SLC7A8: variants seen among roughly 807,000 people sequenced by gnomAD.
SLC7A8 encodes the protein large neutral amino acids transporter small subunit 2.
SLC7A8 carries 30 observed loss-of-function variants against 51.2 expected under a neutral mutation model. The observed-to-expected ratio is 0.59, with a 90% CI of 0.44 to 0.80. The LOEUF is 0.80. SLC7A8 is among the 30% of genes least tolerant of loss of function. The pLI is 0.00. For missense variants in SLC7A8, 612 were observed against 674.4 expected (o/e 0.91, Z 1.03); for synonymous variants, 257 against 275.8 (o/e 0.93, Z 0.67).
At chr14:23,135,352 G>A (rs2048679588) in intron 7 of SLC7A8, among the ~76,000 whole-genome samples, 1 of 151,228 alleles carries the variant, frequency 6.6e-6, no homozygotes, top group South Asian at 2.1e-4. Context: ...GCCTCCCAAA[G>A]TGCTGGGGAT....
At chr14:23,170,484 A>G (rs2048970356) in intron 1 of SLC7A8, among the ~76,000 whole-genome samples, 1 of 151,844 alleles carries the variant, frequency 6.6e-6, no homozygotes, top group Non-Finnish European at 1.5e-5. Flanking sequence ...GTTTTGAGAC[A>G]GTCTCACTCT....
In SLC7A8 at chr14:23,165,960, G is replaced by A. The variant is rs28720057; in HGVS notation, c.356+376C>T. ...ATCCTTGGTAGTGTGAGAAGAGGGT[G>A]CACTCTACCTTAGCTGGCCACTCTC... On this transcript the variant is annotated intron_variant, in intron 2 of 10. Transcript: ENST00000316902. The surrounding 1 kb of genome is among the most constrained non-coding windows in gnomAD (Gnocchi z 4.2). 0.27 allele frequency among the ~76,000 whole-genome samples: 40,320 copies of A among 152,006 alleles called. 5,663 individuals carry two copies. Among genetic ancestry groups the A allele is most frequent in the East Asian group, 0.42 (2,157 of 5,132 alleles).
intron 7 of SLC7A8, 107 bp from the exon 8 acceptor site, chr14:23,131,664 A>G: frequency 1.4e-6 from 1 of 739,196 alleles, no homozygotes; most frequent in East Asian, 3.1e-5. Flanking sequence ...CCCCACTCCA[A>G]CCAGGCACCC....
chr14:23,161,925 TAAAA>T (rs34382575), intron 3 of SLC7A8, among the ~76,000 whole-genome samples: 2 of 107,186 alleles, frequency 1.9e-5, no homozygotes, highest in African/African-American at 3.6e-5. Flanking sequence ...AGACTCCATC[TAAAA>T]AAAAAAAAAA....
intron 1 of SLC7A8, among the ~76,000 whole-genome samples, chr14:23,176,034 C>T (rs1484181886): frequency 2.6e-5 from 4 of 152,184 alleles, no homozygotes; most frequent in African/African-American, 7.2e-5. Flanking sequence ...TGAACCAAAT[C>T]GTAATCCCTC....
At chr14:23,172,208 A>G (rs576665335) in intron 1 of SLC7A8, among the ~76,000 whole-genome samples, 2 of 152,364 alleles carry the variant, frequency 1.3e-5, no homozygotes, top group South Asian at 4.1e-4. Context: ...TTGTAGCAGT[A>G]GGGACAGAGA....
chr14:23,160,944 T>TTCTCTC (rs148796933), intron 3 of SLC7A8, among the ~76,000 whole-genome samples: 4 of 150,554 alleles, frequency 2.7e-5, no homozygotes, highest in Middle Eastern at 3.4e-3. Flanking sequence ...GTAAAATACT[T>TTCTCTC]TCTCTCTCTC....
chr14:23,182,682 A>AT (rs1877233241), intron 1 of SLC7A8, 82 bp downstream of exon 1: 2 of 1,444,428 alleles, frequency 1.4e-6, no homozygotes, highest in East Asian at 4.8e-5. Context: ...AGGAAGAACA[A>AT]TAATGCTTTC....
intron 3 of SLC7A8, among the ~76,000 whole-genome samples, chr14:23,150,416 G>C (rs1016747069): frequency 6.6e-6 from 1 of 152,208 alleles, no homozygotes; most frequent in Non-Finnish European, 1.5e-5. Flanking sequence ...CCAGCAGCAT[G>C]AAGGGAAGGA....
chr14:23,144,684 G>A (rs2048775818), intron 3 of SLC7A8, among the ~76,000 whole-genome samples: 1 of 152,104 alleles, frequency 6.6e-6, no homozygotes, highest in Non-Finnish European at 1.5e-5. Context: ...TTAACCGTCT[G>A]TAACCTTCCT....
At chr14:23,146,121 G>C (rs1218993693) in intron 3 of SLC7A8, among the ~76,000 whole-genome samples, 3 of 152,190 alleles carry the variant, frequency 2.0e-5, no homozygotes, top group Admixed American at 6.5e-5. Context: ...AAGGTACAAG[G>C]CTGCGCCCCT....
intron 1 of SLC7A8, among the ~76,000 whole-genome samples, chr14:23,168,823 T>A (rs1273495398): frequency 6.6e-6 from 1 of 152,180 alleles, no homozygotes; most frequent in Non-Finnish European, 1.5e-5. Flanking sequence ...ACTCTGACAT[T>A]TCGAGTATGT....
In SLC7A8 at chr14:23,183,625, C is replaced by G. The variant is rs765022173; in HGVS notation, c.-711G>C. On this transcript the variant is annotated 5_prime_UTR_variant, in exon 1 of 11. Transcript: ENST00000316902. The stretch of plus-strand genomic sequence containing the variant: ...CGTTCTACTGCACAGCCGGCCCCAT[C>G]CCTCTGGTTTCGGGAGAGTGGCTTC... 1 of 152,292 alleles carries G rather than the reference C, an allele frequency of 6.6e-6. No homozygotes were observed. 9.4% of individuals were successfully genotyped at this position (152,292 alleles called of 1,614,324 possible).
intron 1 of SLC7A8, among the ~76,000 whole-genome samples, chr14:23,173,003 C>T (rs1029146921): frequency 3.3e-5 from 5 of 152,108 alleles, no homozygotes; most frequent in Non-Finnish European, 7.3e-5. Flanking sequence ...GGTAAAGACA[C>T]GTAACAAAAT....
chr14:23,166,008 T>A (rs2048947795), intron 2 of SLC7A8, among the ~76,000 whole-genome samples: 2 of 152,198 alleles, frequency 1.3e-5, no homozygotes, highest in Admixed American at 1.3e-4. Context: ...AGAAGGGCGT[T>A]GTTTTTGTGA....
rs1566354177 is a variant in SLC7A8, at chr14:23,129,660, C to CG, written c.1252dup (p.Arg418ProfsTer61). 1.2e-6 allele frequency: 2 copies of CG among 1,613,942 alleles called. No homozygotes were observed. The highest frequency in any genetic ancestry group is 1.7e-6 in the Non-Finnish European group (2 of 1,179,920). ...GGGAGTTTCTCTCACCTTGATGGGG[C>CG]GGGGGATATCAGGCTTCTTCCAGCG... On this transcript the variant is annotated frameshift_variant, in exon 9 of 11. Transcript: ENST00000316902. LOFTEE classifies it high-confidence loss of function.
At chr14:23,155,078 T>C (rs911309198) in intron 3 of SLC7A8, 1 of 1,176,012 alleles carries the variant, frequency 8.5e-7, no homozygotes, top group Admixed American at 2.1e-5. Context: ...AAGTGCACAG[T>C]GGGGAGTGTG....
At chr14:23,134,712 C>T (rs991499029) in intron 7 of SLC7A8, among the ~76,000 whole-genome samples, 53 of 151,910 alleles carry the variant, frequency 3.5e-4, no homozygotes, top group Non-Finnish European at 1.6e-4. Flanking sequence ...TACATATCAC[C>T]GTGCTCAGTT....
intron 1 of SLC7A8, among the ~76,000 whole-genome samples, chr14:23,179,731 C>T (rs1416854448): frequency 6.6e-6 from 1 of 152,016 alleles, no homozygotes; most frequent in Non-Finnish European, 1.5e-5. Context: ...ATCGCTTGAG[C>T]CCAGGAGTTT....
Sources: allele counts gnomAD v4.1 joint callset (sites outside exome capture counted in the v4.1 genomes callset), GRCh38; gene constraint gnomAD v4.1.1; non-coding constraint Gnocchi (gnomAD v3.1); transcripts MANE v1.5; gene names NCBI Gene and HGNC (gene_info 2026-07-23, HGNC 2026-07-21).